HTT: variants seen among roughly 807,000 people sequenced by gnomAD.
HTT encodes huntingtin.
HTT carries 104 observed loss-of-function variants against 362.3 expected under a neutral mutation model. The ratio of observed to expected loss-of-function variants is 0.29; its 90% CI spans 0.24 to 0.34. HTT has a LOEUF of 0.34. Among genes scored for constraint, HTT ranks in the 10% least tolerant of loss-of-function variants. The probability of loss-of-function intolerance (pLI) is 1.00; values close to 1 mark genes in which losing one functional copy is unlikely to be tolerated. For synonymous variants in HTT, 1,577 were observed against 1,548.7 expected, an observed-to-expected ratio of 1.02 and a Z score of -0.43; for missense variants, 3,301 against 3,928.6, an observed-to-expected ratio of 0.84 and a Z score of 4.27.
intron 27 of HTT, among the ~76,000 whole-genome samples, chr4:3,155,728 C>CAAAAAAAAAAAA (rs774283812): frequency 4.0e-5 from 2 of 49,636 alleles, no homozygotes; most frequent in East Asian, 6.4e-4. Context: ...AAAAATACCA[C>CAAAAAAAAAAAA]AAAAAAAAAA....
chr4:3,211,994 G>C lies in HTT; in HGVS notation c.6480G>C (p.Gln2160His). ...GGATGAGTGAAATTTCTGGTGGCCA[G>C]AAGAGTGCCCTTTTTGAAGCAGCCC... The part of the protein sequence containing the change: ...SLGMSEISGG[Q>H]KSALFEAARE... Residue 2160 changes from glutamine (Q) to histidine (H), a missense_variant, in exon 48 of 67, where the codon CAG becomes CAC. Physicochemically the swap from Gln to His is conservative, Grantham distance 24 (BLOSUM62 0). Around this residue, in one of 4 missense-constraint regions of HTT, gnomAD observed 2,316 missense variants for 2,658.5 expected, o/e 0.87. Transcript: ENST00000355072. The C allele has an allele frequency of 6.2e-7, 1 of 1,614,220 alleles. No individual in the cohort carries two copies. Among genetic ancestry groups the C allele is most frequent in the South Asian group, 1.1e-5 (1 of 91,088 alleles).
At chr4:3,116,915 T>G (rs978075977) in intron 8 of HTT, among the ~76,000 whole-genome samples, 1 of 152,254 alleles carries the variant, frequency 6.6e-6, no homozygotes, top group Admixed American at 6.5e-5. Flanking sequence ...TAAAATGTTA[T>G]GTCAGGGTTT....
chr4:3,206,919 T>A lies in HTT; in HGVS notation c.6011T>A (p.Leu2004Gln). 6.2e-7 allele frequency: 1 copy of A among 1,614,154 alleles called. No homozygotes were observed. The highest frequency in any genetic ancestry group is 1.3e-5 in the African/African-American group (1 of 75,058). ...DRLLCTPFRVLARMVDILACR... is the reference protein window; with the variant it reads ...DRLLCTPFRVQARMVDILACR... Reference sequence around the variant, plus strand: ...CTTCTGTGCACCCCTTTCCGTGTGCTGGCTCGCATGGTCGACATCCTTGCT... The same window carrying A: ...CTTCTGTGCACCCCTTTCCGTGTGCAGGCTCGCATGGTCGACATCCTTGCT... Residue 2004 changes from leucine (L) to glutamine (Q), a missense_variant, in exon 44 of 67, where the codon CTG (leucine) becomes CAG (glutamine). This residue lies in a region of HTT where 2,316 missense variants were observed against 2,658.5 expected (regional missense o/e 0.87). Transcript: ENST00000355072. This position sits in a 1 kb window ranked among gnomAD's most constrained non-coding sequence, Gnocchi z 4.6.
intron 66 of HTT, 64 bp from the exon 67 acceptor site, chr4:3,239,782 A>G (rs1459767665): frequency 1.6e-6 from 2 of 1,274,778 alleles, no homozygotes; most frequent in Non-Finnish European, 2.2e-6. Context: ...AGGAACTCCC[A>G]GGTGAGGACA....
chr4:3,239,246 G>A (rs1365149850), intron 66 of HTT, among the ~76,000 whole-genome samples: 2 of 152,198 alleles, frequency 1.3e-5, no homozygotes, highest in Admixed American at 6.5e-5. Context: ...TGGGTGAGGG[G>A]AGCGAGGGTG....
rs1186252281 is a variant in HTT, at chr4:3,243,340, C to G, written c.*3281C>G. On this transcript the variant is annotated 3_prime_UTR_variant, in exon 67 of 67. Coordinates refer to ENST00000355072, the MANE Select transcript of HTT (RefSeq NM_001388492.1). ...CGCTTCCTCCCTCTGCGGGGAGGACCCGGGACCACAGCTGCTGGCCAGGGT... is the reference window on the plus strand; with the variant it reads ...CGCTTCCTCCCTCTGCGGGGAGGACGCGGGACCACAGCTGCTGGCCAGGGT... 2 of 152,562 alleles carry G rather than the reference C, an allele frequency of 1.3e-5. No individual in the cohort carries two copies. The highest frequency in any genetic ancestry group is 1.9e-4 in the East Asian group (1 of 5,186). 9.5% of individuals were successfully genotyped at this position (152,562 alleles called of 1,614,324 possible). A position where few individuals can be genotyped will look rare whatever the true frequency, so the allele number is the denominator to read the frequency against.
At chr4:3,127,122 G>A (rs1037178226) in intron 11 of HTT, 142 bp from the exon 12 acceptor site, 2 of 648,964 alleles carry the variant, frequency 3.1e-6, no homozygotes, top group Admixed American at 2.4e-5. Flanking sequence ...ATGCACTGCT[G>A]TCCTGCATTT....
chr4:3,203,855 G>A (rs1458065071), intron 41 of HTT, 152 bp from the exon 42 acceptor site: 3 of 648,116 alleles, frequency 4.6e-6, no homozygotes, highest in African/African-American at 3.6e-5. Context: ...ATAACTGAGA[G>A]TATATATTAC....
intron 35 of HTT, among the ~76,000 whole-genome samples, chr4:3,179,391 G>A (rs147665459): frequency 6.6e-6 from 1 of 152,202 alleles, no homozygotes; most frequent in Non-Finnish European, 1.5e-5. Context: ...AGTACTTTGT[G>A]CTGGGAAGCT....
intron 26 of HTT, among the ~76,000 whole-genome samples, chr4:3,149,160 T>C (rs937796012): frequency 1.3e-5 from 2 of 152,230 alleles, no homozygotes; most frequent in Admixed American, 6.5e-5. Context: ...AGCATAGTTA[T>C]GGAGCATTTC....
At chr4:3,113,416 A>T (rs1714862232) in intron 6 of HTT, among the ~76,000 whole-genome samples, 1 of 150,928 alleles carries the variant, frequency 6.6e-6, no homozygotes, top group Non-Finnish European at 1.5e-5. Flanking sequence ...TGCAGCCTCC[A>T]CCTCCCAGGT....
chr4:3,134,079 T>C (rs907964578), intron 18 of HTT, among the ~76,000 whole-genome samples: 12 of 152,172 alleles, frequency 7.9e-5, no homozygotes, highest in African/African-American at 2.2e-4. Flanking sequence ...AGAAGTGGTG[T>C]TGGGGCTGTG....
Position 3,204,111 on chromosome 4 carries a change from T to C in HTT, c.5681T>C (p.Val1894Ala). 6.2e-7 allele frequency: 1 copy of C among 1,614,168 alleles called. No homozygotes were observed. The highest frequency in any genetic ancestry group is 8.5e-7 in the Non-Finnish European group (1 of 1,179,986). The change falls in exon 42 of 67, where the codon GTA becomes GCA. Residue 1894 changes from valine to alanine, a missense_variant. Val to Ala is a moderately conservative substitution (Grantham distance 64). Transcript: ENST00000355072. ...AKLGMCNREIVRRGALILFCD... is the reference protein window; with the variant it reads ...AKLGMCNREIARRGALILFCD... ...CTTGGAATGTGCAATAGAGAAATAGTACGAAGAGGGGCTCTCATTCTCTTC... is the reference window on the plus strand; with the variant it reads ...CTTGGAATGTGCAATAGAGAAATAGCACGAAGAGGGGCTCTCATTCTCTTC...
intron 41 of HTT, among the ~76,000 whole-genome samples, chr4:3,200,455 T>C (rs1719475047): frequency 6.6e-6 from 1 of 152,168 alleles, no homozygotes; most frequent in South Asian, 2.1e-4. Context: ...AGGCTTAAGC[T>C]CCATTTCTAG....
chr4:3,234,177 A>G (rs1315552030), intron 61 of HTT, among the ~76,000 whole-genome samples: 1 of 152,252 alleles, frequency 6.6e-6, no homozygotes, highest in Non-Finnish European at 1.5e-5. Flanking sequence ...CTCTGTAGGC[A>G]CAGTTCAGAC....
At chr4:3,081,745 C>A (rs1182704109) in intron 1 of HTT, among the ~76,000 whole-genome samples, 1 of 151,192 alleles carries the variant, frequency 6.6e-6, no homozygotes, top group African/African-American at 2.4e-5. Context: ...TTAGTAGAGA[C>A]GGGGTTTCTC....
chr4:3,112,230 CA>C (rs1369281235), intron 6 of HTT, among the ~76,000 whole-genome samples: 1 of 152,160 alleles, frequency 6.6e-6, no homozygotes, highest in African/African-American at 2.4e-5. Context: ...TTCTTATTCT[CA>C]AAATTACCTG....
intron 19 of HTT, among the ~76,000 whole-genome samples, chr4:3,134,882 G>A (rs1041632303): frequency 4.6e-5 from 7 of 152,038 alleles, no homozygotes; most frequent in Admixed American, 3.9e-4. Context: ...GGTGTGTGCC[G>A]TCACACTGGC....
chr4:3,139,435 C>T (rs747035246), intron 21 of HTT, among the ~76,000 whole-genome samples: 17 of 151,890 alleles, frequency 1.1e-4, no homozygotes, highest in Non-Finnish European at 2.4e-4. Context: ...TGGCCTCAAG[C>T]GGTCCCCCTG....
Sources: gnomAD v4.1 joint callset for allele counts (sites outside exome capture counted in the v4.1 genomes callset) on GRCh38, gnomAD v4.1.1 for gene constraint, gnomAD v4.1.1 regional missense constraint, Gnocchi (gnomAD v3.1) non-coding constraint, MANE v1.5 for transcripts, NCBI Gene and HGNC (gene_info 2026-07-23, HGNC 2026-07-21) for gene names.